CNTN4: variants seen among roughly 807,000 people sequenced by gnomAD.
CNTN4 encodes contactin-4.
CNTN4 carries 77 observed loss-of-function variants against 122.5 expected under a neutral mutation model. The observed-to-expected ratio is 0.63, with a 90% CI of 0.52 to 0.76. CNTN4 has a LOEUF of 0.76. Among genes scored for constraint, CNTN4 ranks in the 30% least tolerant of loss-of-function variants. CNTN4 has a pLI of 0.00. For missense variants in CNTN4, 1,256 were observed against 1,259.1 expected, an observed-to-expected ratio of 1.00 and a Z score of 0.04; for synonymous variants, 512 against 447.0, an observed-to-expected ratio of 1.15 and a Z score of -1.83.
chr3:2,928,201 G>C (rs2094490826), intron 13 of CNTN4, among the ~76,000 whole-genome samples: 1 of 152,164 alleles, frequency 6.6e-6, no homozygotes, highest in Non-Finnish European at 1.5e-5. Flanking sequence ...TTATTTTGAT[G>C]ATGTACAATA....
intron 3 of CNTN4, among the ~76,000 whole-genome samples, chr3:2,562,103 A>G (rs2078980672): frequency 6.6e-6 from 1 of 152,220 alleles, no homozygotes; most frequent in Non-Finnish European, 1.5e-5. Flanking sequence ...ATGCAAGATG[A>G]AAATACCACA....
At chr3:2,546,242 T>C (rs113485013) in intron 3 of CNTN4, among the ~76,000 whole-genome samples, 13,173 of 151,718 alleles carry the variant, frequency 0.087, 763 homozygotes, top group Non-Finnish European at 0.13. Flanking sequence ...ATAGCAAAGA[T>C]GTAGAATCAA....
chr3:2,164,069 C>T (rs1308226965), intron 2 of CNTN4, among the ~76,000 whole-genome samples: 5 of 152,070 alleles, frequency 3.3e-5, no homozygotes, highest in Middle Eastern at 6.8e-3. Context: ...ATGTTGGGTA[C>T]AATGTACACT....
intron 13 of CNTN4, among the ~76,000 whole-genome samples, chr3:2,986,118 T>G (rs1191774665): frequency 1.3e-5 from 2 of 152,058 alleles, no homozygotes; most frequent in Non-Finnish European, 2.9e-5. Flanking sequence ...TTTTGCCATG[T>G]TGCCCAGACT....
intron 13 of CNTN4, among the ~76,000 whole-genome samples, chr3:2,971,445 T>A (rs113329169): frequency 6.6e-6 from 1 of 152,164 alleles, no homozygotes; most frequent in East Asian, 1.9e-4. Context: ...TGGAATTCAG[T>A]GGTATACCAT....
At chr3:2,749,328 G>GTTTTTTTTTTTT (rs11381094) in intron 6 of CNTN4, among the ~76,000 whole-genome samples, 1 of 135,676 alleles carries the variant, frequency 7.4e-6, no homozygotes, top group African/African-American at 2.8e-5. Context: ...GCCCAGATAA[G>GTTTTTTTTTTTT]TTTTTTTTTT....
chr3:2,434,643 G>T (rs1015140460), intron 3 of CNTN4, among the ~76,000 whole-genome samples: 1 of 152,164 alleles, frequency 6.6e-6, no homozygotes, highest in Non-Finnish European at 1.5e-5. Flanking sequence ...GACTCTAAAA[G>T]GTGATGTAAT....
At chr3:2,568,397 T>C (rs1545772) in intron 3 of CNTN4, among the ~76,000 whole-genome samples, 113,993 of 149,676 alleles carry the variant, frequency 0.76, 43,473 homozygotes, top group East Asian at 0.91. Context: ...GAGAAAGCAA[T>C]CGAGGCCTGT....
intron 7 of CNTN4, among the ~76,000 whole-genome samples, chr3:2,833,667 A>G (rs1452079056): frequency 6.6e-6 from 1 of 152,212 alleles, no homozygotes; most frequent in Middle Eastern, 3.2e-3. Context: ...CTGCCACAAA[A>G]ACACTTGGTG....
chr3:2,363,759 C>G (rs1055370493), intron 3 of CNTN4, among the ~76,000 whole-genome samples: 1 of 152,108 alleles, frequency 6.6e-6, no homozygotes, highest in Non-Finnish European at 1.5e-5. Context: ...GGTCAGCATC[C>G]TCTTCAAAGT....
intron 4 of CNTN4, among the ~76,000 whole-genome samples, chr3:2,735,015 A>G (rs966132444): frequency 3.3e-5 from 5 of 152,234 alleles, no homozygotes; most frequent in East Asian, 3.8e-4. Flanking sequence ...GCAGATTCTT[A>G]TTGATCACCG....
At chr3:2,677,492 A>ATCTATCTT (rs1553609133) in intron 4 of CNTN4, among the ~76,000 whole-genome samples, 1 of 86,192 alleles carries the variant, frequency 1.2e-5, no homozygotes, top group South Asian at 4.4e-4. Context: ...ATATCTATCT[A>ATCTATCTT]TCTATCTATC....
At chr3:2,820,885 T>C (rs542768758) in intron 7 of CNTN4, among the ~76,000 whole-genome samples, 1 of 151,658 alleles carries the variant, frequency 6.6e-6, no homozygotes, top group African/African-American at 2.4e-5. Context: ...AGGAATGCAC[T>C]TGACTGCAAC....
At chr3:2,527,958 C>G (rs932242302) in intron 3 of CNTN4, among the ~76,000 whole-genome samples, 1 of 152,060 alleles carries the variant, frequency 6.6e-6, no homozygotes, top group Admixed American at 6.6e-5. Flanking sequence ...CCGATGTCTC[C>G]CTTCATTTCT....
chr3:2,522,149 T>TTG (rs71621496), intron 3 of CNTN4, among the ~76,000 whole-genome samples: 1,240 of 63,420 alleles, frequency 0.02, 18 homozygotes, highest in East Asian at 0.11. Flanking sequence ...CCTAAGCAGT[T>TTG]TGTGTGTGTG....
chr3:2,187,304 A>G (rs867403990), intron 2 of CNTN4, among the ~76,000 whole-genome samples: 7 of 152,194 alleles, frequency 4.6e-5, no homozygotes, highest in Non-Finnish European at 1.0e-4. Context: ...TTTTAGTACC[A>G]GTACCATGCT....
chr3:2,341,781 A>C (rs2044220622), intron 3 of CNTN4, among the ~76,000 whole-genome samples: 1 of 152,250 alleles, frequency 6.6e-6, no homozygotes, highest in South Asian at 2.1e-4. Flanking sequence ...GCACTTAAAA[A>C]TTTGGAGATT....
intron 7 of CNTN4, among the ~76,000 whole-genome samples, chr3:2,862,870 T>C (rs1014524811): frequency 5.3e-5 from 8 of 152,200 alleles, no homozygotes; most frequent in Non-Finnish European, 2.9e-5. Flanking sequence ...AAGGGAAATC[T>C]CAATTGTATA....
At chr3:2,939,888 C>T (rs1260042363) in intron 13 of CNTN4, among the ~76,000 whole-genome samples, 1 of 152,174 alleles carries the variant, frequency 6.6e-6, no homozygotes, top group African/African-American at 2.4e-5. Flanking sequence ...CTCTGTTCAG[C>T]GATAGCTCAC....
Sources: gnomAD v4.1 joint callset for allele counts (sites outside exome capture counted in the v4.1 genomes callset) on GRCh38, gnomAD v4.1.1 for gene constraint, MANE v1.5 for transcripts, NCBI Gene and HGNC (gene_info 2026-07-23, HGNC 2026-07-21) for gene names.